PCDHGB4: variants seen among roughly 807,000 people sequenced by gnomAD.
PCDHGB4 encodes the protein protocadherin gamma subfamily B, 4.
Under a neutral mutation model 60.5 loss-of-function variants are expected in PCDHGB4, and 38 were observed. That is an observed-to-expected ratio of 0.63 (90% CI 0.48 to 0.82). The LOEUF (loss-of-function observed/expected upper bound fraction) is 0.82. Among genes scored for constraint, PCDHGB4 ranks in the 40% least tolerant of loss-of-function variants. The probability of loss-of-function intolerance (pLI) is 0.00; values close to 1 mark genes in which losing one functional copy is unlikely to be tolerated. For missense variants in PCDHGB4, 1,109 were observed against 1,209.6 expected, an observed-to-expected ratio of 0.92 and a Z score of 1.23; for synonymous variants, 456 against 509.7, an observed-to-expected ratio of 0.89 and a Z score of 1.42.
intron 1 of PCDHGB4, chr5:141,427,965 C>T: frequency 6.3e-7 from 1 of 1,590,342 alleles, no homozygotes; most frequent in Non-Finnish European, 8.6e-7. Flanking sequence ...GCCGCGGGTG[C>T]TGTACCCCGC....
Position 141,486,443 on chromosome 5 carries a change from A to G in PCDHGB4, c.2398-8364A>G, listed in dbSNP as rs747419698. Reference sequence around the variant, plus strand: ...AGAGGCCAAATCTAGCTATGACATCATGGTCACTGCTTCTGATGCTGGGAA... The same window carrying G: ...AGAGGCCAAATCTAGCTATGACATCGTGGTCACTGCTTCTGATGCTGGGAA... On this transcript the variant is annotated intron_variant, in intron 1 of 3. Transcript: ENST00000519479. The surrounding 1 kb of genome is among the most constrained non-coding windows in gnomAD (Gnocchi z 5.0). The G allele has an allele frequency of 1.9e-6, 3 of 1,614,060 alleles. No individual in the cohort carries two copies. Among genetic ancestry groups the G allele is most frequent in the South Asian group, 2.2e-5 (2 of 91,080 alleles).
At position 141,487,610 on chromosome 5, in the gene PCDHGB4, C is replaced by A; in HGVS notation, c.2398-7197C>A. On this transcript the variant is annotated intron_variant, in intron 1 of 3. Transcript: ENST00000519479. The surrounding 1 kb of genome is among the most constrained non-coding windows in gnomAD (Gnocchi z 5.0). ...CCCACCCTCTGATCTTCTCTATGGG[C>A]TAGAGGTGAGACCTTTGCAGGCTCA... The A allele has an allele frequency of 6.2e-7, 1 of 1,614,190 alleles. No homozygotes were observed. The highest frequency in any genetic ancestry group is 1.1e-5 in the South Asian group (1 of 91,078).
At chr5:141,460,483 C>G (rs2098990314) in intron 1 of PCDHGB4, among the ~76,000 whole-genome samples, 1 of 152,046 alleles carries the variant, frequency 6.6e-6, no homozygotes, top group African/African-American at 2.4e-5. Flanking sequence ...ATCCAATTGT[C>G]TCTTTGGAAA....
At chr5:141,417,913 T>C in intron 1 of PCDHGB4, 1 of 1,601,944 alleles carries the variant, frequency 6.2e-7, no homozygotes, top group Admixed American at 1.8e-5. Context: ...AGGTACTATT[T>C]CCTTTGCTGC....
chr5:141,444,152 ATTTTTTTTTTTTTTTTTTTTTTTTT>A (rs747671382), intron 1 of PCDHGB4, among the ~76,000 whole-genome samples: 1 of 33,882 alleles, frequency 3.0e-5, no homozygotes, highest in Non-Finnish European at 5.2e-5. Context: ...TGTGTACTGG[ATTTTTTTTTTTTTTTTTTTTTTTTT>A]TTTTTTTTTT....
intron 3 of PCDHGB4, among the ~76,000 whole-genome samples, chr5:141,509,353 C>A (rs2099876446): frequency 6.6e-6 from 1 of 152,170 alleles, no homozygotes; most frequent in Non-Finnish European, 1.5e-5. Context: ...CTGGCCTGGG[C>A]ATCCCTGAGG....
At chr5:141,395,472 A>T in intron 1 of PCDHGB4, 1 of 548,076 alleles carries the variant, frequency 1.8e-6, no homozygotes, top group South Asian at 2.6e-5. Flanking sequence ...GCCTTCCAGT[A>T]TTTTATTCCT....
Position 141,423,691 on chromosome 5 carries a change from T to C in PCDHGB4, c.2397+33410T>C. On this transcript the variant is annotated intron_variant, in intron 1 of 3. Coordinates refer to ENST00000519479, the MANE Select transcript of PCDHGB4 (RefSeq NM_003736.4). Reference sequence around the variant, plus strand: ...ATTTATTTCTCTGCCTCCTAATTGTTGGTGTCTTGGCACAAGTCTTTTAAG... The same window carrying C: ...ATTTATTTCTCTGCCTCCTAATTGTCGGTGTCTTGGCACAAGTCTTTTAAG... 5 of 1,506,830 alleles carry C rather than the reference T, an allele frequency of 3.3e-6. No individual in the cohort carries two copies. The South Asian group carries it at 6.9e-5, about 21-fold the overall frequency. 93.3% of individuals were successfully genotyped at this position (1,506,830 alleles called of 1,614,324 possible).
intron 1 of PCDHGB4, chr5:141,441,551 T>C (rs2098254450): frequency 5.4e-6 from 1 of 184,050 alleles, no homozygotes; most frequent in African/African-American, 2.4e-5. Flanking sequence ...GCCTCCATAG[T>C]GTGCAAGTAG....
At position 141,403,415 on chromosome 5, in the gene PCDHGB4, C is replaced by T. The variant is rs770058522; in HGVS notation, c.2397+13134C>T. 6.8e-6 allele frequency: 11 copies of T among 1,614,046 alleles called. No individual in the cohort carries two copies. The South Asian group carries it at 1.2e-4, about 18-fold the overall frequency. ...GGTTCCTGGAGCACGTTATCCACTT[C>T]CAGAAGCTATTGATCCGGATGTTGG... On this transcript the variant is annotated intron_variant, in intron 1 of 3. Coordinates refer to ENST00000519479, the MANE Select transcript of PCDHGB4 (RefSeq NM_003736.4).
At chr5:141,393,142 T>C in intron 1 of PCDHGB4, 1 of 1,613,286 alleles carries the variant, frequency 6.2e-7, no homozygotes, top group Non-Finnish European at 8.5e-7. Flanking sequence ...AACACCCTGG[T>C]TGAGGATAAA....
chr5:141,415,845 A>G, intron 1 of PCDHGB4: 1 of 1,246,436 alleles, frequency 8.0e-7, no homozygotes, highest in Non-Finnish European at 1.0e-6. Flanking sequence ...TTAGCTTTGC[A>G]GAACCTTGTA....
chr5:141,488,915 G>A (rs942297924), intron 1 of PCDHGB4, among the ~76,000 whole-genome samples: 12 of 152,180 alleles, frequency 7.9e-5, no homozygotes, highest in Non-Finnish European at 2.9e-5. Flanking sequence ...TGTTCCCAAG[G>A]TTTCCAGGAT....
intron 1 of PCDHGB4, chr5:141,390,568 C>T: frequency 2.4e-6 from 1 of 414,986 alleles, no homozygotes; most frequent in Non-Finnish European, 4.3e-6. Context: ...GTTGTTGGCT[C>T]TCTCCTAAAA....
chr5:141,420,075 G>A (rs893749179), intron 1 of PCDHGB4: 17 of 1,613,944 alleles, frequency 1.1e-5, no homozygotes, highest in Admixed American at 6.7e-5. Context: ...GGACCTGTGG[G>A]TCCCCCCAAC....
At chr5:141,417,789 C>G in intron 1 of PCDHGB4, 1 of 1,477,596 alleles carries the variant, frequency 6.8e-7, no homozygotes, top group Non-Finnish European at 9.0e-7. Context: ...GGGCCGAATG[C>G]TCTTTTAGCG....
At chr5:141,418,803 A>G (rs1358411126) in intron 1 of PCDHGB4, 1 of 1,613,894 alleles carries the variant, frequency 6.2e-7, no homozygotes, top group Non-Finnish European at 8.5e-7. Context: ...GTAGAAAGAT[A>G]TACGATAAAC....
intron 1 of PCDHGB4, among the ~76,000 whole-genome samples, chr5:141,443,789 A>G (rs1316614117): frequency 6.6e-6 from 1 of 152,234 alleles, no homozygotes; most frequent in East Asian, 1.9e-4. Context: ...GACAAAAAAA[A>G]TGAAAAGGAA....
intron 1 of PCDHGB4, among the ~76,000 whole-genome samples, chr5:141,455,967 A>T (rs965245893): frequency 2.7e-5 from 4 of 150,838 alleles, no homozygotes; most frequent in Non-Finnish European, 4.4e-5. Flanking sequence ...GCGCGATCTC[A>T]GCTCACTGCA....
Sources: allele counts gnomAD v4.1 joint callset (sites outside exome capture counted in the v4.1 genomes callset), GRCh38; gene constraint gnomAD v4.1.1; non-coding constraint Gnocchi (gnomAD v3.1); transcripts MANE v1.5; gene names NCBI Gene and HGNC (gene_info 2026-07-23, HGNC 2026-07-21).